Variants in ADAMTSL3 observed in about 807,000 individuals in gnomAD.
The protein encoded by ADAMTSL3 is ADAMTS-like protein 3.
In ADAMTSL3, 128 loss-of-function variants were observed where a neutral mutation model predicts 201.7. The observed-to-expected ratio is 0.63, with a 90% CI of 0.55 to 0.73. The LOEUF (loss-of-function observed/expected upper bound fraction) is 0.73. Among genes scored for constraint, ADAMTSL3 ranks in the 30% least tolerant of loss-of-function variants. ADAMTSL3 has a pLI of 0.00. For missense variants in ADAMTSL3, 1,990 were observed against 2,119.6 expected, an observed-to-expected ratio of 0.94 and a Z score of 1.20; for synonymous variants, 738 against 748.4, an observed-to-expected ratio of 0.99 and a Z score of 0.23.
intron 19 of ADAMTSL3, among the ~76,000 whole-genome samples, chr15:83,952,805 CA>C (rs59518430): frequency 0.41 from 45,427 of 111,602 alleles, 7,362 homozygotes; most frequent in Middle Eastern, 0.57. Flanking sequence ...GATTCCACCT[CA>C]AAAAAAAAAA....
chr15:83,969,922 C>T (rs886401416), intron 19 of ADAMTSL3, among the ~76,000 whole-genome samples: 5 of 152,062 alleles, frequency 3.3e-5, no homozygotes, highest in African/African-American at 1.2e-4. Flanking sequence ...AACAAACAGG[C>T]AACAAAAAAC....
At chr15:83,972,183 C>CAGCT (rs771526726) in intron 20 of ADAMTSL3, among the ~76,000 whole-genome samples, 1 of 152,124 alleles carries the variant, frequency 6.6e-6, no homozygotes, top group Non-Finnish European at 1.5e-5. Flanking sequence ...CCCTGGCTGC[C>CAGCT]AGCTGAACTG....
intron 17 of ADAMTSL3, among the ~76,000 whole-genome samples, chr15:83,931,236 G>A (rs1033877954): frequency 1.3e-5 from 2 of 152,160 alleles, no homozygotes; most frequent in Non-Finnish European, 2.9e-5. Flanking sequence ...AAAGCAAGAG[G>A]CAATAGTGAT....
chr15:83,920,850 G>A (rs769627172), intron 16 of ADAMTSL3, among the ~76,000 whole-genome samples: 10 of 152,152 alleles, frequency 6.6e-5, no homozygotes, highest in Non-Finnish European at 1.3e-4. Flanking sequence ...GAAAGTGCTA[G>A]TTCCTACAAC....
chr15:83,716,381 G>A (rs2062018906), intron 3 of ADAMTSL3, among the ~76,000 whole-genome samples: 1 of 151,832 alleles, frequency 6.6e-6, no homozygotes, highest in African/African-American at 2.4e-5. Flanking sequence ...GCTAGGCATG[G>A]CGGCAGGCGC....
intron 16 of ADAMTSL3, among the ~76,000 whole-genome samples, chr15:83,914,596 G>A (rs1395627235): frequency 6.6e-6 from 1 of 152,196 alleles, no homozygotes; most frequent in African/African-American, 2.4e-5. Flanking sequence ...TGCCTTAGCT[G>A]CCTCTGGACT....
chr15:84,021,821 A>C (rs2068211066), intron 26 of ADAMTSL3, among the ~76,000 whole-genome samples: 1 of 152,140 alleles, frequency 6.6e-6, no homozygotes, highest in Non-Finnish European at 1.5e-5. Context: ...AGTTATAAGG[A>C]CCAGGATTCA....
intron 2 of ADAMTSL3, among the ~76,000 whole-genome samples, chr15:83,680,198 G>C (rs1293042769): frequency 6.6e-6 from 1 of 151,990 alleles, no homozygotes; most frequent in Non-Finnish European, 1.5e-5. Context: ...GAGTTGCATT[G>C]TTCTCTAGCA....
At chr15:83,842,018 C>T (rs2064389055) in intron 7 of ADAMTSL3, among the ~76,000 whole-genome samples, 2 of 151,504 alleles carry the variant, frequency 1.3e-5, no homozygotes, top group Admixed American at 1.3e-4. Flanking sequence ...CAGGGGAAGA[C>T]CACCTTCCCA....
chr15:83,964,855 T>G (rs1440819507), intron 19 of ADAMTSL3, among the ~76,000 whole-genome samples: 1 of 152,030 alleles, frequency 6.6e-6, no homozygotes, highest in Non-Finnish European at 1.5e-5. Flanking sequence ...CAGAATAGAA[T>G]GGGGCCAATA....
Position 83,885,218 on chromosome 15 carries a change from G to A in ADAMTSL3, c.1072+6G>A, listed in dbSNP as rs1305436233. On this transcript the variant is annotated splice_donor_region_variant and intron_variant, in intron 10 of 29. Transcript: ENST00000286744. ...CACTGTGACGTGTGGAGGAGGTGAGGCCCAGGCTTTGTTCATGAATATTTA... is the reference window on the plus strand; with the variant it reads ...CACTGTGACGTGTGGAGGAGGTGAGACCCAGGCTTTGTTCATGAATATTTA... 3 of 1,595,706 alleles carry A rather than the reference G, an allele frequency of 1.9e-6. No individual in the cohort carries two copies. The highest frequency in any genetic ancestry group is 8.6e-7 in the Non-Finnish European group (1 of 1,163,700).
intron 9 of ADAMTSL3, among the ~76,000 whole-genome samples, chr15:83,871,899 A>G (rs4842837): frequency 0.14 from 21,126 of 152,182 alleles, 1,905 homozygotes; most frequent in Middle Eastern, 0.33. Context: ...ATTTTTCTGT[A>G]TGAAAAAAAC....
chr15:83,936,006 G>A (rs1293285341), intron 17 of ADAMTSL3, among the ~76,000 whole-genome samples: 2 of 151,984 alleles, frequency 1.3e-5, no homozygotes, highest in Admixed American at 6.6e-5. Flanking sequence ...CAATTTTAAA[G>A]AATGTATTCA....
chr15:83,756,483 C>T lies in ADAMTSL3; in HGVS notation c.190-17040C>T, dbSNP rs150128468. On this transcript the variant is annotated intron_variant, in intron 3 of 29. Coordinates refer to ENST00000286744, the MANE Select transcript of ADAMTSL3 (RefSeq NM_207517.3). Reference sequence around the variant, plus strand: ...TATAATGAGAACAGCAAAAGAAAGACTCGCCCTCATGATTAAATTACCTCC... The same window carrying T: ...TATAATGAGAACAGCAAAAGAAAGATTCGCCCTCATGATTAAATTACCTCC... Among the ~76,000 whole-genome samples, 644 of 152,258 alleles carry T rather than the reference C, an allele frequency of 4.2e-3. 5 individuals carry two copies. The highest frequency in any genetic ancestry group is 0.01 in the Middle Eastern group (3 of 294).
At chr15:83,903,435 C>T (rs2065766215) in intron 15 of ADAMTSL3, among the ~76,000 whole-genome samples, 1 of 152,026 alleles carries the variant, frequency 6.6e-6, no homozygotes, top group Non-Finnish European at 1.5e-5. Context: ...CTCCCTACTC[C>T]CTCCCACTAG....
intron 2 of ADAMTSL3, among the ~76,000 whole-genome samples, chr15:83,692,351 C>T (rs1199356538): frequency 1.3e-5 from 2 of 151,822 alleles, no homozygotes. Flanking sequence ...AACAAAGACA[C>T]CCTGACTCTA....
intron 4 of ADAMTSL3, among the ~76,000 whole-genome samples, chr15:83,793,276 T>C (rs2063370707): frequency 6.6e-6 from 1 of 152,168 alleles, no homozygotes; most frequent in Non-Finnish European, 1.5e-5. Flanking sequence ...TGTGCAACAG[T>C]GTCATTGTAG....
chr15:83,955,566 T>C (rs1255139924), intron 19 of ADAMTSL3, among the ~76,000 whole-genome samples: 2 of 152,100 alleles, frequency 1.3e-5, no homozygotes, highest in African/African-American at 2.4e-5. Flanking sequence ...CCAAGGCCCA[T>C]GGCATACTAC....
At chr15:83,961,780 T>A (rs1302995964) in intron 19 of ADAMTSL3, 2 of 152,206 alleles carry the variant, frequency 1.3e-5, no homozygotes, top group African/African-American at 4.8e-5. Context: ...AATCCAGGAA[T>A]GCATAGATCC....
Sources: allele counts gnomAD v4.1 joint callset (sites outside exome capture counted in the v4.1 genomes callset), GRCh38; gene constraint gnomAD v4.1.1; transcripts MANE v1.5; gene names NCBI Gene and HGNC (gene_info 2026-07-23, HGNC 2026-07-21).